Variants in AMBN observed in about 807,000 individuals in gnomAD.
AMBN encodes the protein ameloblastin.
Under a neutral mutation model 48.0 loss-of-function variants are expected in AMBN, and 54 were observed. The observed-to-expected ratio is 1.12, with a 90% CI of 0.90 to 1.41. The LOEUF is 1.41. Among genes scored for constraint, AMBN ranks in the 40% most tolerant of loss-of-function variants. AMBN has a pLI of 0.00. For missense variants in AMBN, 571 were observed against 547.3 expected (o/e 1.04, Z -0.43); for synonymous variants, 186 against 190.0 (o/e 0.98, Z 0.17).
chr4:70,606,003 C>T (rs1737634334), intron 12 of AMBN, among the ~76,000 whole-genome samples, 182 bp from the exon 13 acceptor site: 1 of 152,096 alleles, frequency 6.6e-6, no homozygotes, highest in South Asian at 2.1e-4. Context: ...GTGCAGAATC[C>T]TCTTCATTAT....
At chr4:70,595,740 A>C (rs1379461518) in intron 2 of AMBN, among the ~76,000 whole-genome samples, 1 of 152,040 alleles carries the variant, frequency 6.6e-6, no homozygotes, top group Admixed American at 6.6e-5. Flanking sequence ...AGAACCAGAG[A>C]CTCTCAAAAT....
Position 70,594,950 on chromosome 4 carries a change from C to T in AMBN, c.84+1555C>T, listed in dbSNP as rs144854242. Among the ~76,000 whole-genome samples, 396 of 152,248 alleles carry T rather than the reference C, an allele frequency of 2.6e-3. 3 individuals carry two copies. The highest frequency in any genetic ancestry group is 0.01 in the Middle Eastern group (3 of 294). On this transcript the variant is annotated intron_variant, in intron 2 of 12. Coordinates refer to ENST00000322937, the MANE Select transcript of AMBN (RefSeq NM_016519.6). Reference sequence around the variant, plus strand: ...ACATTCGTGTAAATATTCTTTAAGTCATGACTTAGAGCAGATGGAAAGCAA... The same window carrying T: ...ACATTCGTGTAAATATTCTTTAAGTTATGACTTAGAGCAGATGGAAAGCAA...
intron 2 of AMBN, among the ~76,000 whole-genome samples, chr4:70,596,279 CAAAAAAAA>C (rs36108778): frequency 1.7e-5 from 2 of 117,296 alleles, no homozygotes; most frequent in Admixed American, 1.8e-4. Flanking sequence ...AACTTAGTCT[CAAAAAAAA>C]AAAAAAAAGG....
At chr4:70,603,040 T>C (rs780424964) in intron 9 of AMBN, 30 bp downstream of exon 9, 4 of 1,579,236 alleles carry the variant, frequency 2.5e-6, no homozygotes, top group Non-Finnish European at 3.4e-6. Context: ...AGACACTGTC[T>C]TGCAAAAACT....
At chr4:70,595,214 G>A (rs1347481395) in intron 2 of AMBN, among the ~76,000 whole-genome samples, 1 of 106,324 alleles carries the variant, frequency 9.4e-6, no homozygotes, top group African/African-American at 3.8e-5. Context: ...TTTTTTTACA[G>A]TCTGGCTCTG....
chr4:70,603,769 A>G, intron 11 of AMBN, 108 bp from the exon 12 acceptor site: 2 of 1,177,572 alleles, frequency 1.7e-6, no homozygotes, highest in Non-Finnish European at 2.5e-6. Context: ...CTCTGTACAC[A>G]GCATTAATAT....
In AMBN at chr4:70,598,423, C is replaced by A; in HGVS notation, c.183+20C>A. The stretch of plus-strand genomic sequence containing the variant: ...TCTCAGGTAATCATATTTCTTATTG[C>A]AAGTATTCATGGTGGTGGTAGTGTT... On this transcript the variant is annotated intron_variant, in intron 4 of 12. Coordinates refer to ENST00000322937, the MANE Select transcript of AMBN (RefSeq NM_016519.6). 1.9e-6 allele frequency: 3 copies of A among 1,571,062 alleles called. No homozygotes were observed. Among genetic ancestry groups the A allele is most frequent in the Non-Finnish European group, 1.7e-6 (2 of 1,155,400 alleles).
rs1259739828 is a variant in AMBN, at chr4:70,602,729, T to A, written c.570+67T>A. 11 of 973,790 alleles carry A rather than the reference T, an allele frequency of 1.1e-5. No homozygotes were observed. The East Asian group carries it at 1.7e-4, about 15-fold the overall frequency. 60.3% of individuals were successfully genotyped at this position (973,790 alleles called of 1,614,324 possible). ...TTTAATTTTTATTTGTTCACTTTTT[T>A]ATTTTTATTTGTATTTAACTACTTT... On this transcript the variant is annotated intron_variant, in intron 7 of 12. Coordinates refer to ENST00000322937, the MANE Select transcript of AMBN (RefSeq NM_016519.6).
intron 2 of AMBN, among the ~76,000 whole-genome samples, chr4:70,594,727 G>A (rs993695397): frequency 5.3e-5 from 8 of 152,176 alleles, no homozygotes; most frequent in Admixed American, 5.2e-4. Context: ...ATATGATACT[G>A]ACGTTGGGAT....
intron 11 of AMBN, 117 bp from the exon 12 acceptor site, chr4:70,603,760 T>C: frequency 9.2e-7 from 1 of 1,084,342 alleles, no homozygotes; most frequent in Non-Finnish European, 1.4e-6. Context: ...CCACTTTGCC[T>C]CTGTACACAG....
intron 2 of AMBN, among the ~76,000 whole-genome samples, chr4:70,594,932 T>G (rs1416346300): frequency 6.6e-6 from 1 of 152,212 alleles, no homozygotes; most frequent in Non-Finnish European, 1.5e-5. Context: ...TATACATTCG[T>G]GTAAATATTC....
chr4:70,592,358 C>T lies in AMBN; in HGVS notation c.-1C>T. On this transcript the variant is annotated 5_prime_UTR_variant, in exon 1 of 13. Coordinates refer to ENST00000322937, the MANE Select transcript of AMBN (RefSeq NM_016519.6). ...ATCATCAGGCCCTGAGAGCACAGTG[C>T]ATGTCAGCATCTAAGGTAAAATGGG... The T allele has an allele frequency of 6.2e-7, 1 of 1,614,070 alleles. No homozygotes were observed. Among genetic ancestry groups the T allele is most frequent in the Non-Finnish European group, 8.5e-7 (1 of 1,179,950 alleles).
At chr4:70,593,762 G>A (rs1737328210) in intron 2 of AMBN, among the ~76,000 whole-genome samples, 1 of 151,970 alleles carries the variant, frequency 6.6e-6, no homozygotes, top group South Asian at 2.1e-4. Context: ...CTACTTGGGA[G>A]GCTGAGGCAG....
At chr4:70,605,944 C>T (rs557734044) in intron 12 of AMBN, among the ~76,000 whole-genome samples, 145 of 152,220 alleles carry the variant, frequency 9.5e-4, no homozygotes, top group Middle Eastern at 3.4e-3. Flanking sequence ...CTTGCTTCTG[C>T]CCTGTTATCT....
Position 70,599,625 on chromosome 4 carries a change from A to C in AMBN, c.273A>C (p.Pro91=), listed in dbSNP as rs770460128. Residue 91 remains proline, a synonymous_variant, in exon 5 of 13, where the codon CCA becomes CCC. Transcript: ENST00000322937. ...ATTCCTCTCTTCCATGGATGAGGCC[A>C]AGAGAACATGAAACTCAACAGGTGA... is the stretch of plus-strand genomic sequence containing the variant. ...PPHSSLPWMR[P]REHETQQYEY... 2 of 1,612,106 alleles carry C rather than the reference A, an allele frequency of 1.2e-6. No homozygotes were observed. The highest frequency in any genetic ancestry group is 8.5e-7 in the Non-Finnish European group (1 of 1,178,732).
In AMBN at chr4:70,607,021, C is replaced by T; in HGVS notation, c.*291C>T. 1 of 308,530 alleles carries T rather than the reference C, an allele frequency of 3.2e-6. No homozygotes were observed. Among genetic ancestry groups the T allele is most frequent in the Non-Finnish European group, 6.0e-6 (1 of 167,288 alleles). 19.1% of individuals were successfully genotyped at this position (308,530 alleles called of 1,614,324 possible). The stretch of plus-strand genomic sequence containing the variant: ...TTGATCATCACTTTTTCTTAGCTGT[C>T]TTAAGCATTATAGAATTTCTCTTAC... On this transcript the variant is annotated 3_prime_UTR_variant, in exon 13 of 13. Transcript: ENST00000322937.
At chr4:70,597,800 T>A (rs1035377306) in intron 3 of AMBN, among the ~76,000 whole-genome samples, 5 of 152,168 alleles carry the variant, frequency 3.3e-5, no homozygotes, top group African/African-American at 1.2e-4. Flanking sequence ...GCATTCTAAA[T>A]CTCTTCCCGT....
chr4:70,601,698 C>T (rs1009458161), intron 6 of AMBN, 44 bp downstream of exon 6: 1 of 1,574,386 alleles, frequency 6.4e-7, no homozygotes, highest in Non-Finnish European at 8.7e-7. Flanking sequence ...ACCAGCTAAC[C>T]TAATAGAAGA....
chr4:70,603,823 G>T (rs946517920), intron 11 of AMBN, 54 bp from the exon 12 acceptor site: 33 of 1,588,564 alleles, frequency 2.1e-5, no homozygotes, highest in Non-Finnish European at 2.9e-5. Context: ...TTTGTCTTGA[G>T]TAGATAAGAA....
Sources: allele counts gnomAD v4.1 joint callset (sites outside exome capture counted in the v4.1 genomes callset), GRCh38; gene constraint gnomAD v4.1.1; transcripts MANE v1.5; gene names NCBI Gene and HGNC (gene_info 2026-07-23, HGNC 2026-07-21).